Variants in GRM8 observed in about 807,000 individuals in gnomAD.
The protein encoded by GRM8 is glutamate metabotropic receptor 8.
Under a neutral mutation model 87.2 loss-of-function variants are expected in GRM8, and 47 were observed. That is an observed-to-expected ratio of 0.54 (90% confidence interval 0.43 to 0.69). The LOEUF (loss-of-function observed/expected upper bound fraction) is 0.69, where lower values mean the gene tolerates loss of function less well. Ranked by LOEUF, GRM8 falls within the 30% of genes least tolerant of loss-of-function variation. The pLI, the probability that GRM8 is intolerant of heterozygous loss-of-function variation, is 0.00. For synonymous variants in GRM8, 396 were observed against 404.5 expected (o/e 0.98, Z 0.25); for missense variants, 1,019 against 1,139.2 (o/e 0.89, Z 1.52).
At position 126,690,564 on chromosome 7, in the gene GRM8, G is replaced by T. The variant is rs538802955; in HGVS notation, c.1357+79301C>A. ...TTCCTTGGTCTGGGCTCCCCAAAGG[G>T]CCGCAGCTCTTCTCTGCTTCTAGTA... On this transcript the variant is annotated intron_variant, in intron 7 of 10. Coordinates refer to ENST00000339582, the MANE Select transcript of GRM8 (RefSeq NM_000845.3). Among the ~76,000 whole-genome samples, 8 of 152,306 alleles carry T rather than the reference G, an allele frequency of 5.3e-5. No homozygotes were observed. The South Asian group carries it at 1.5e-3, about 28-fold the overall frequency.
rs571291916 is a variant in GRM8, at chr7:126,732,911, T to C, written c.1357+36954A>G. Among the ~76,000 whole-genome samples, 7 of 152,272 alleles carry C rather than the reference T, an allele frequency of 4.6e-5. 1 individual carries two copies. The South Asian group carries it at 1.4e-3, about 32-fold the overall frequency. On this transcript the variant is annotated intron_variant, in intron 7 of 10. Transcript: ENST00000339582. ...TGTTTAGGTCACGGTTGCCCAACCA[T>C]GGCCTATGGGCTACATGCACGTGTC...
intron 6 of GRM8, among the ~76,000 whole-genome samples, chr7:126,816,338 G>A (rs1334907724): frequency 6.6e-6 from 1 of 152,056 alleles, no homozygotes; most frequent in Non-Finnish European, 1.5e-5. Flanking sequence ...GCAAGTGATG[G>A]TATGTGGAAC....
intron 7 of GRM8, among the ~76,000 whole-genome samples, chr7:126,612,830 A>C (rs1188784908): frequency 6.6e-6 from 1 of 152,242 alleles, no homozygotes; most frequent in Non-Finnish European, 1.5e-5. Flanking sequence ...CCTCTTCATG[A>C]CATTATGAAC....
intron 3 of GRM8, among the ~76,000 whole-genome samples, chr7:126,913,498 C>A (rs1428125426): frequency 6.6e-6 from 1 of 152,128 alleles, no homozygotes; most frequent in Non-Finnish European, 1.5e-5. Context: ...TGTGATACAG[C>A]CCATCCACCA....
intron 2 of GRM8, among the ~76,000 whole-genome samples, chr7:127,187,686 C>T (rs570091778): frequency 9.8e-5 from 15 of 152,292 alleles, no homozygotes; most frequent in African/African-American, 2.9e-4. Flanking sequence ...CCCTCCATCA[C>T]GGCCTCTGCT....
chr7:126,455,766 T>C (rs1017216345), intron 9 of GRM8, among the ~76,000 whole-genome samples: 1 of 151,656 alleles, frequency 6.6e-6, no homozygotes, highest in African/African-American at 2.4e-5. Flanking sequence ...CATTGCTGCA[T>C]AGGCACCATT....
intron 3 of GRM8, among the ~76,000 whole-genome samples, chr7:126,987,905 G>A (rs1436566363): frequency 1.3e-5 from 2 of 152,104 alleles, no homozygotes; most frequent in African/African-American, 4.8e-5. Context: ...TATACCTATG[G>A]GAGTAGGTAC....
chr7:126,992,762 G>T (rs1347048030), intron 3 of GRM8, among the ~76,000 whole-genome samples: 2 of 151,942 alleles, frequency 1.3e-5, no homozygotes, highest in African/African-American at 2.4e-5. Flanking sequence ...ATTAATTAGT[G>T]TCTTTATAAG....
intron 6 of GRM8, among the ~76,000 whole-genome samples, chr7:126,834,774 T>C (rs755620563): frequency 2.4e-4 from 36 of 152,306 alleles, no homozygotes; most frequent in Middle Eastern, 6.8e-3. Context: ...AAACGATTAT[T>C]GTTTATAAGC....
intron 3 of GRM8, among the ~76,000 whole-genome samples, chr7:127,096,038 T>C (rs1347526576): frequency 6.6e-6 from 1 of 152,208 alleles, no homozygotes; most frequent in Non-Finnish European, 1.5e-5. Context: ...ATTCATGTAT[T>C]TAACTATGGG....
At chr7:126,662,459 A>C (rs1346885316) in intron 7 of GRM8, among the ~76,000 whole-genome samples, 1 of 152,208 alleles carries the variant, frequency 6.6e-6, no homozygotes, top group East Asian at 1.9e-4. Flanking sequence ...TCTGAAATGG[A>C]AGAAGGCTCA....
At chr7:127,190,537 C>T (rs1794970590) in intron 2 of GRM8, among the ~76,000 whole-genome samples, 2 of 149,478 alleles carry the variant, frequency 1.3e-5, no homozygotes, top group African/African-American at 2.5e-5. Flanking sequence ...GAGCGAGACT[C>T]GGTCTTAAAA....
At chr7:126,785,206 T>C (rs1227073626) in intron 6 of GRM8, among the ~76,000 whole-genome samples, 1 of 152,166 alleles carries the variant, frequency 6.6e-6, no homozygotes, top group Non-Finnish European at 1.5e-5. Flanking sequence ...CATTTTCTAA[T>C]ATGTGAGTTT....
intron 3 of GRM8, among the ~76,000 whole-genome samples, chr7:127,074,253 C>G (rs1822030211): frequency 6.6e-6 from 1 of 152,132 alleles, no homozygotes; most frequent in African/African-American, 2.4e-5. Flanking sequence ...GGGGTGGCTA[C>G]TGGGGACTTC....
At chr7:127,234,340 A>G (rs1008389234) in intron 2 of GRM8, among the ~76,000 whole-genome samples, 23 of 152,226 alleles carry the variant, frequency 1.5e-4, no homozygotes, top group African/African-American at 5.3e-4. Context: ...ACTTTAAGAA[A>G]TTGTGTTTAA....
chr7:126,665,917 T>C (rs1435471810), intron 7 of GRM8, among the ~76,000 whole-genome samples: 2 of 152,088 alleles, frequency 1.3e-5, no homozygotes, highest in East Asian at 3.9e-4. Flanking sequence ...ATCAAACAGA[T>C]TTTTGTGATG....
chr7:126,960,841 T>G (rs2131679957), intron 3 of GRM8, among the ~76,000 whole-genome samples: 1 of 152,332 alleles, frequency 6.6e-6, no homozygotes, highest in East Asian at 1.9e-4. Context: ...CTATTCCCAC[T>G]TTCTATATGA....
At chr7:126,444,531 A>G (rs1801800073) in intron 10 of GRM8, among the ~76,000 whole-genome samples, 1 of 152,074 alleles carries the variant, frequency 6.6e-6, no homozygotes, top group Non-Finnish European at 1.5e-5. Context: ...CCCGAAGATA[A>G]TCTTTTTAGA....
At chr7:127,187,140 C>G (rs1299745190) in intron 2 of GRM8, among the ~76,000 whole-genome samples, 1 of 152,116 alleles carries the variant, frequency 6.6e-6, no homozygotes, top group South Asian at 2.1e-4. Flanking sequence ...ATCTCCTACT[C>G]TAGTTGAGAA....
Sources: gnomAD v4.1 joint callset for allele counts (sites outside exome capture counted in the v4.1 genomes callset) on GRCh38, gnomAD v4.1.1 for gene constraint, MANE v1.5 for transcripts, NCBI Gene and HGNC (gene_info 2026-07-23, HGNC 2026-07-21) for gene names.